Variants in ATRNL1 observed in about 807,000 individuals in gnomAD.
ATRNL1 encodes the protein attractin-like protein 1.
A neutral mutation model predicts 182.7 loss-of-function variants in ATRNL1; 95 were observed. The observed-to-expected ratio is 0.52, with a 90% CI of 0.44 to 0.62. ATRNL1 has a LOEUF of 0.62. ATRNL1 is among the 20% of genes least tolerant of loss of function. The pLI is 0.00. For synonymous variants in ATRNL1, 576 were observed against 568.3 expected (o/e 1.01, Z -0.19); for missense variants, 1,471 against 1,679.5 (o/e 0.88, Z 2.17).
intron 28 of ATRNL1, among the ~76,000 whole-genome samples, chr10:115,944,099 G>T (rs2615878): frequency 0.94 from 143,132 of 151,580 alleles, 68,052 homozygotes; most frequent in Non-Finnish European, 1. Context: ...GTATGATACT[G>T]TAATGGTGGA....
intron 20 of ATRNL1, among the ~76,000 whole-genome samples, chr10:115,412,395 C>T (rs571975642): frequency 7.6e-4 from 116 of 152,294 alleles, no homozygotes; most frequent in African/African-American, 2.7e-3. Context: ...GTGCAGCCAA[C>T]GTCTTGATTG....
intron 1 of ATRNL1, among the ~76,000 whole-genome samples, chr10:115,104,292 A>G (rs1356434855): frequency 1.3e-5 from 2 of 152,212 alleles, no homozygotes; most frequent in Non-Finnish European, 2.9e-5. Context: ...TCTGATGATC[A>G]GTGATGTTGA....
intron 21 of ATRNL1, among the ~76,000 whole-genome samples, chr10:115,461,226 C>T (rs1847781667): frequency 6.6e-6 from 1 of 151,928 alleles, no homozygotes; most frequent in South Asian, 2.1e-4. Context: ...ATAAAAGTAG[C>T]AGTTTAATGT....
intron 27 of ATRNL1, among the ~76,000 whole-genome samples, chr10:115,817,564 G>A (rs188222193): frequency 1.1e-3 from 163 of 152,142 alleles, no homozygotes; most frequent in Admixed American, 4.3e-3. Flanking sequence ...AGAAGAGTGA[G>A]CCACCTGTGT....
intron 26 of ATRNL1, among the ~76,000 whole-genome samples, chr10:115,635,345 CT>C (rs1858799595): frequency 6.7e-6 from 1 of 150,104 alleles, no homozygotes; most frequent in African/African-American, 2.4e-5. Flanking sequence ...TTGAACAGAA[CT>C]TCATCATAGG....
At chr10:115,583,350 A>G (rs1368682812) in intron 26 of ATRNL1, among the ~76,000 whole-genome samples, 1 of 109,392 alleles carries the variant, frequency 9.1e-6, no homozygotes, top group African/African-American at 2.8e-5. Context: ...CAGTATGGCC[A>G]TTTTCACGAT....
chr10:115,289,172 A>G (rs1554920079), intron 15 of ATRNL1, among the ~76,000 whole-genome samples: 1 of 152,058 alleles, frequency 6.6e-6, no homozygotes, highest in African/African-American at 2.4e-5. Flanking sequence ...TTTTAAAACC[A>G]TCAGATCTTG....
intron 13 of ATRNL1, among the ~76,000 whole-genome samples, chr10:115,272,303 C>T (rs1592360074): frequency 3.3e-5 from 5 of 152,256 alleles, no homozygotes; most frequent in Admixed American, 3.3e-4. Context: ...CTCTTGTATT[C>T]TAGACATATT....
intron 8 of ATRNL1, among the ~76,000 whole-genome samples, chr10:115,196,139 A>G (rs1848350400): frequency 6.6e-6 from 1 of 152,082 alleles, no homozygotes; most frequent in Admixed American, 6.6e-5. Context: ...ACAGCCTGTC[A>G]TTTAGAGACA....
Position 115,851,961 on chromosome 10 carries a change from G to A in ATRNL1, c.4018+3970G>A, listed in dbSNP as rs184758810. 5.3e-5 allele frequency among the ~76,000 whole-genome samples: 8 copies of A among 152,226 alleles called. No individual in the cohort carries two copies. The East Asian group carries it at 1.5e-3, about 29-fold the overall frequency. On this transcript the variant is annotated intron_variant, in intron 28 of 28. Coordinates refer to ENST00000355044, the MANE Select transcript of ATRNL1 (RefSeq NM_207303.4). The stretch of plus-strand genomic sequence containing the variant: ...TCACCCCGGACAGCATGGTCCCCAA[G>A]CGTTTTAGAGGCACATTAAGATGAA...
intron 13 of ATRNL1, among the ~76,000 whole-genome samples, chr10:115,271,165 TACACACACACAC>T (rs59638255): frequency 0.024 from 3,498 of 146,012 alleles, 47 homozygotes; most frequent in South Asian, 0.038. Context: ...ACAAAGATAT[TACACACACACAC>T]ACACACACAC....
chr10:115,231,438 A>T (rs1849947254), intron 9 of ATRNL1, among the ~76,000 whole-genome samples: 1 of 152,194 alleles, frequency 6.6e-6, no homozygotes. Context: ...GAGGAATTAA[A>T]GAAAAGTACT....
At chr10:115,293,466 C>T (rs1603011) in intron 15 of ATRNL1, among the ~76,000 whole-genome samples, 6,310 of 152,018 alleles carry the variant, frequency 0.042, 171 homozygotes, top group Middle Eastern at 0.12. Flanking sequence ...TTCTTCCTCT[C>T]TTATTATTTA....
chr10:115,441,476 T>C (rs1450525643), intron 21 of ATRNL1, among the ~76,000 whole-genome samples: 1 of 151,922 alleles, frequency 6.6e-6, no homozygotes, highest in African/African-American at 2.4e-5. Context: ...TATCATACTT[T>C]CCAATTTTTC....
chr10:115,614,311 A>G lies in ATRNL1; in HGVS notation c.3795+64775A>G, dbSNP rs1231008587. On this transcript the variant is annotated intron_variant, in intron 26 of 28. Transcript: ENST00000355044. The stretch of plus-strand genomic sequence containing the variant: ...TTCTGGAGCATGTTGCTTAATTTCA[A>G]TGTATTTGTACAATTTCCAGAGTTC... 4.6e-5 allele frequency among the ~76,000 whole-genome samples: 7 copies of G among 152,036 alleles called. No homozygotes were observed. In the East Asian group the frequency reaches 1.2e-3, roughly 25 times the overall value.
intron 27 of ATRNL1, among the ~76,000 whole-genome samples, chr10:115,742,460 A>G (rs1226217180): frequency 6.6e-6 from 1 of 152,150 alleles, no homozygotes; most frequent in African/African-American, 2.4e-5. Context: ...ATTGAGAAGT[A>G]AGGTCACCTG....
At chr10:115,371,199 G>A (rs920166537) in intron 19 of ATRNL1, among the ~76,000 whole-genome samples, 1 of 152,204 alleles carries the variant, frequency 6.6e-6, no homozygotes, top group Non-Finnish European at 1.5e-5. Context: ...CACTCATGGA[G>A]AACCTCTGCT....
At chr10:115,329,961 C>A (rs1343472237) in intron 18 of ATRNL1, among the ~76,000 whole-genome samples, 1 of 152,054 alleles carries the variant, frequency 6.6e-6, no homozygotes, top group Non-Finnish European at 1.5e-5. Flanking sequence ...TTTCTTTCTT[C>A]TCTTACTGCC....
At chr10:115,169,317 C>T (rs1671775891) in intron 7 of ATRNL1, among the ~76,000 whole-genome samples, 1 of 151,360 alleles carries the variant, frequency 6.6e-6, no homozygotes, top group South Asian at 2.1e-4. Flanking sequence ...AGCGATTGTC[C>T]TGCCTCAGCC....
Sources: allele counts gnomAD v4.1 joint callset (sites outside exome capture counted in the v4.1 genomes callset), GRCh38; gene constraint gnomAD v4.1.1; transcripts MANE v1.5; gene names NCBI Gene and HGNC (gene_info 2026-07-23, HGNC 2026-07-21).